GRIN2B: variants seen among roughly 807,000 people sequenced by gnomAD.
GRIN2B encodes the protein glutamate receptor ionotropic, NMDA 2B.
In GRIN2B, 5 loss-of-function variants were observed where a neutral mutation model predicts 114.5. The ratio of observed to expected loss-of-function variants is 0.04; its 90% CI spans 0.02 to 0.09. GRIN2B has a LOEUF of 0.09. Among genes scored for constraint, GRIN2B ranks in the 10% least tolerant of loss-of-function variants. The pLI is 1.00. For synonymous variants in GRIN2B, 787 were observed against 745.1 expected, an observed-to-expected ratio of 1.06 and a Z score of -0.92; for missense variants, 1,108 against 1,943.5, an observed-to-expected ratio of 0.57 and a Z score of 8.08.
chr12:13,897,311 C>G (rs1411693144), intron 2 of GRIN2B, among the ~76,000 whole-genome samples: 1 of 152,142 alleles, frequency 6.6e-6, no homozygotes, highest in Non-Finnish European at 1.5e-5. Context: ...ATCACTTACT[C>G]CATTAGCACA....
chr12:13,647,403 A>G (rs1294547290), intron 5 of GRIN2B, among the ~76,000 whole-genome samples: 2 of 152,108 alleles, frequency 1.3e-5, no homozygotes, highest in African/African-American at 2.4e-5. Flanking sequence ...CCTGAAGCCC[A>G]AAGGTTAAAT....
Position 13,564,429 on chromosome 12 carries a change from G to A in GRIN2B, c.2809C>T (p.His937Tyr). 6.2e-7 allele frequency: 1 copy of A among 1,614,256 alleles called. No individual in the cohort carries two copies. The highest frequency in any genetic ancestry group is 8.5e-7 in the Non-Finnish European group (1 of 1,180,044). Residue 937 changes from histidine to tyrosine, a missense_variant, in exon 14 of 14, where the codon CAC (histidine) becomes TAC (tyrosine). By Grantham distance (83) the His-to-Tyr change is moderately conservative (BLOSUM62 2). Around this residue, in one of 19 missense-constraint regions of GRIN2B, gnomAD observed 140 missense variants for 187.5 expected, o/e 0.75. Transcript: ENST00000609686. This position sits in a 1 kb window ranked among gnomAD's most constrained non-coding sequence, Gnocchi z 4.8. ...RESSVYDISE[H>Y]RRSFTHSDCK... ...TCAGAATGCGTGAAGCTGCGGCGGTGCTCTGAGATGTCATAGACGGATGAC... is the reference window on the plus strand; with the variant it reads ...TCAGAATGCGTGAAGCTGCGGCGGTACTCTGAGATGTCATAGACGGATGAC...
intron 4 of GRIN2B, among the ~76,000 whole-genome samples, chr12:13,684,388 T>C (rs1337921791): frequency 6.6e-6 from 1 of 152,220 alleles, no homozygotes; most frequent in Non-Finnish European, 1.5e-5. Flanking sequence ...GGCTGCCTTT[T>C]GATGCCAATT....
intron 10 of GRIN2B, among the ~76,000 whole-genome samples, chr12:13,602,701 A>G (rs1949177378): frequency 6.6e-6 from 1 of 152,058 alleles, no homozygotes; most frequent in African/African-American, 2.4e-5. Context: ...TGACTTCCAG[A>G]CCCCCATGGG....
At chr12:13,952,981 A>G (rs937215310) in intron 2 of GRIN2B, among the ~76,000 whole-genome samples, 1 of 151,372 alleles carries the variant, frequency 6.6e-6, no homozygotes, top group African/African-American at 2.4e-5. Flanking sequence ...TGGGTAGGGC[A>G]CAGCTGTGAT....
At chr12:13,677,770 A>C (rs912543751) in intron 4 of GRIN2B, among the ~76,000 whole-genome samples, 9 of 151,846 alleles carry the variant, frequency 5.9e-5, no homozygotes, top group African/African-American at 1.9e-4. Flanking sequence ...CCTTTGATAC[A>C]TGTTTCCTCT....
Position 13,859,156 on chromosome 12 carries a change from G to A in GRIN2B, c.411+6642C>T, listed in dbSNP as rs574885478. ...GGAGATTTTGAGGCTCAGAGAGTCT[G>A]AAGAGTCCAACTAAGGTCACATGGC... On this transcript the variant is annotated intron_variant, in intron 3 of 13. Transcript: ENST00000609686. Among the ~76,000 whole-genome samples the A allele has an allele frequency of 5.9e-5, 9 of 152,290 alleles. 1 individual carries two copies. The South Asian group carries it at 1.9e-3, about 32-fold the overall frequency.
chr12:13,968,427 C>T (rs1187792003), intron 2 of GRIN2B, among the ~76,000 whole-genome samples: 1 of 152,164 alleles, frequency 6.6e-6, no homozygotes, highest in South Asian at 2.1e-4. Context: ...CCTCATTTTA[C>T]AGATGAGGAA....
chr12:13,937,689 CTAAA>C (rs1867154028), intron 2 of GRIN2B, among the ~76,000 whole-genome samples: 2 of 152,048 alleles, frequency 1.3e-5, no homozygotes, highest in African/African-American at 4.8e-5. Flanking sequence ...AAATAAATGA[CTAAA>C]TATAAAAGGT....
chr12:13,794,170 A>C (rs1424691868), intron 3 of GRIN2B, among the ~76,000 whole-genome samples: 1 of 143,816 alleles, frequency 7.0e-6, no homozygotes, highest in Non-Finnish European at 1.5e-5. Context: ...ACTTCATTGC[A>C]CCACTGCAGC....
At chr12:13,669,489 GAATA>G (rs1297000635) in intron 5 of GRIN2B, among the ~76,000 whole-genome samples, 5 of 152,092 alleles carry the variant, frequency 3.3e-5, no homozygotes, top group Admixed American at 2.0e-4. Context: ...AGGAGATCCT[GAATA>G]AACACGCTTG....
intron 2 of GRIN2B, 50 bp from the exon 3 acceptor site, chr12:13,866,276 C>T: frequency 2.0e-6 from 3 of 1,531,184 alleles, no homozygotes; most frequent in Non-Finnish European, 2.7e-6. Context: ...CATCACGTAA[C>T]CTGTCTTAGA....
chr12:13,604,341 T>C (rs575717457), intron 10 of GRIN2B, among the ~76,000 whole-genome samples: 10 of 152,336 alleles, frequency 6.6e-5, no homozygotes, highest in African/African-American at 2.2e-4. Flanking sequence ...AATTTAACTC[T>C]CGTTTTCTAC....
intron 3 of GRIN2B, among the ~76,000 whole-genome samples, chr12:13,791,232 G>T (rs1864313957): frequency 6.6e-6 from 1 of 152,112 alleles, no homozygotes; most frequent in African/African-American, 2.4e-5. Context: ...GGGAGGCAAA[G>T]GCGGGCGGAT....
At chr12:13,643,462 T>C (rs552466127) in intron 5 of GRIN2B, among the ~76,000 whole-genome samples, 4 of 152,282 alleles carry the variant, frequency 2.6e-5, no homozygotes, top group African/African-American at 7.2e-5. Context: ...TGAGTTGTGA[T>C]CTTTTTGCTG....
chr12:13,651,029 T>G (rs1949807291), intron 5 of GRIN2B, among the ~76,000 whole-genome samples: 1 of 152,138 alleles, frequency 6.6e-6, no homozygotes, highest in Non-Finnish European at 1.5e-5. Flanking sequence ...CTCTCTGCTC[T>G]TCTACCTTGC....
At chr12:13,916,712 TACACACACACACAC>T (rs1156830012) in intron 2 of GRIN2B, among the ~76,000 whole-genome samples, 1 of 96,906 alleles carries the variant, frequency 1.0e-5, no homozygotes, top group Non-Finnish European at 2.2e-5. Context: ...CATATACATA[TACACACACACACAC>T]ACACACACAT....
rs1285516155 is a variant in GRIN2B at position 13,551,316 on chromosome 12, C to T, written c.*11467G>A. 6.6e-6 allele frequency: 1 copy of T among 152,162 alleles called. No individual in the cohort carries two copies. Among genetic ancestry groups the T allele is most frequent in the Non-Finnish European group, 1.5e-5 (1 of 68,050 alleles). 9.4% of individuals were successfully genotyped at this position (152,162 alleles called of 1,614,324 possible). On this transcript the variant is annotated 3_prime_UTR_variant, in exon 14 of 14. Transcript: ENST00000609686. ...TGCGAATATGTATGTATCTAAGCAA[C>T]AGGACTGTCTGTTCTCAGGGGGACT...
rs190486455 is a variant in GRIN2B at position 13,873,878 on chromosome 12, C to T, written c.-18-7652G>A. Reference sequence around the variant, plus strand: ...AATGGATTTCAACATATTACAGCCACATAAATAATGGAAACAGAAAATCAA... The same window carrying T: ...AATGGATTTCAACATATTACAGCCATATAAATAATGGAAACAGAAAATCAA... On this transcript the variant is annotated intron_variant, in intron 2 of 13. Coordinates refer to ENST00000609686, the MANE Select transcript of GRIN2B (RefSeq NM_000834.5). Among the ~76,000 whole-genome samples, 11 of 152,296 alleles carry T rather than the reference C, an allele frequency of 7.2e-5. No homozygotes were observed. The South Asian group carries it at 2.1e-3, about 29-fold the overall frequency.
Sources: gnomAD v4.1 joint callset for allele counts (sites outside exome capture counted in the v4.1 genomes callset) on GRCh38, gnomAD v4.1.1 for gene constraint, gnomAD v4.1.1 regional missense constraint, Gnocchi (gnomAD v3.1) non-coding constraint, MANE v1.5 for transcripts, NCBI Gene and HGNC (gene_info 2026-07-23, HGNC 2026-07-21) for gene names.